Variants in GABBR2 observed in about 807,000 individuals in gnomAD.
GABBR2 encodes the protein gamma-aminobutyric acid type B receptor subunit 2, also known as G-protein coupled receptor 51.
Under a neutral mutation model 105.6 loss-of-function variants are expected in GABBR2, and 23 were observed. The observed-to-expected ratio is 0.22, with a 90% CI of 0.16 to 0.31. The LOEUF (loss-of-function observed/expected upper bound fraction) is 0.31, where lower values mean the gene tolerates loss of function less well. GABBR2 is among the 10% of genes least tolerant of loss of function. The probability of loss-of-function intolerance (pLI) is 1.00; values close to 1 mark genes in which losing one functional copy is unlikely to be tolerated. For synonymous variants in GABBR2, 478 were observed against 499.7 expected (o/e 0.96, Z 0.58); for missense variants, 734 against 1,245.5 (o/e 0.59, Z 6.18).
At chr9:98,609,199 T>G (rs1457085498) in intron 1 of GABBR2, among the ~76,000 whole-genome samples, 2 of 152,128 alleles carry the variant, frequency 1.3e-5, no homozygotes, top group Admixed American at 6.5e-5. Context: ...ATAGAATCAT[T>G]TCTTATAAAA....
chr9:98,443,550 T>C (rs1013535757), intron 7 of GABBR2, among the ~76,000 whole-genome samples: 5 of 152,218 alleles, frequency 3.3e-5, no homozygotes, highest in Admixed American at 2.6e-4. Context: ...TTGGAGACAC[T>C]TGCATTTAGA....
At chr9:98,383,413 T>A (rs1035599057) in intron 11 of GABBR2, among the ~76,000 whole-genome samples, 9 of 152,216 alleles carry the variant, frequency 5.9e-5, no homozygotes, top group Non-Finnish European at 1.3e-4. Flanking sequence ...ATTAGTCTCA[T>A]GCCAGAAGGC....
intron 1 of GABBR2, among the ~76,000 whole-genome samples, chr9:98,679,475 C>G (rs1201280785): frequency 6.6e-6 from 1 of 152,210 alleles, no homozygotes; most frequent in East Asian, 1.9e-4. Flanking sequence ...GATTAAAACA[C>G]TGAGTAATTA....
chr9:98,514,736 A>C (rs1344571123), intron 3 of GABBR2, among the ~76,000 whole-genome samples: 1 of 151,952 alleles, frequency 6.6e-6, no homozygotes. Flanking sequence ...CCAACATGGC[A>C]CATGTATATA....
At chr9:98,609,697 G>C (rs1267822416) in intron 1 of GABBR2, among the ~76,000 whole-genome samples, 1 of 152,164 alleles carries the variant, frequency 6.6e-6, no homozygotes, top group Non-Finnish European at 1.5e-5. Context: ...CCCTCAGAAG[G>C]GTGGGGCTGC....
intron 6 of GABBR2, among the ~76,000 whole-genome samples, chr9:98,467,482 G>T (rs1458165812): frequency 1.3e-5 from 2 of 152,192 alleles, no homozygotes; most frequent in Admixed American, 6.5e-5. Context: ...AGGGGAGAGA[G>T]CAGCGCTGTG....
chr9:98,299,367 G>T lies in GABBR2; in HGVS notation c.2413-14C>A. 1 of 1,613,804 alleles carries T rather than the reference G, an allele frequency of 6.2e-7. No homozygotes were observed. Among genetic ancestry groups the T allele is most frequent in the Non-Finnish European group, 8.5e-7 (1 of 1,179,976 alleles). On this transcript the variant is annotated splice_polypyrimidine_tract_variant and intron_variant, in intron 16 of 18. Coordinates refer to ENST00000259455, the MANE Select transcript of GABBR2 (RefSeq NM_005458.8). ...GTCTTTATCCAGCTACAAGACAAAG[G>T]TTCCAGTTGAGTCAGGTCCCTGGCC...
intron 1 of GABBR2, among the ~76,000 whole-genome samples, chr9:98,648,032 T>A (rs957404930): frequency 6.6e-6 from 1 of 150,490 alleles, no homozygotes; most frequent in South Asian, 2.1e-4. Flanking sequence ...CCCTGAGAAG[T>A]GGACTCTTCA....
At chr9:98,374,602 G>A (rs565818946) in intron 11 of GABBR2, among the ~76,000 whole-genome samples, 6 of 152,284 alleles carry the variant, frequency 3.9e-5, no homozygotes, top group African/African-American at 1.4e-4. Flanking sequence ...TAGGCAGACG[G>A]TGTCGACATA....
At chr9:98,613,851 T>C (rs1218768870) in intron 1 of GABBR2, among the ~76,000 whole-genome samples, 1 of 152,130 alleles carries the variant, frequency 6.6e-6, no homozygotes, top group Non-Finnish European at 1.5e-5. Context: ...GAAGAAGGAA[T>C]AGGGCACAAA....
chr9:98,651,406 G>A (rs953113270), intron 1 of GABBR2, among the ~76,000 whole-genome samples: 5 of 152,034 alleles, frequency 3.3e-5, no homozygotes, highest in African/African-American at 7.2e-5. Context: ...GATTACAGGC[G>A]TGAGCCACTG....
chr9:98,508,012 G>A (rs1827547798), intron 3 of GABBR2, among the ~76,000 whole-genome samples: 5 of 152,234 alleles, frequency 3.3e-5, no homozygotes, highest in Admixed American at 3.3e-4. Flanking sequence ...GTTGGGGAAT[G>A]AAATTAGCCA....
chr9:98,336,432 G>T (rs1370169290), intron 13 of GABBR2, among the ~76,000 whole-genome samples: 1 of 152,252 alleles, frequency 6.6e-6, no homozygotes, highest in Admixed American at 6.5e-5. Context: ...CTGGCTGGGC[G>T]CAGTGGCTCA....
intron 1 of GABBR2, among the ~76,000 whole-genome samples, chr9:98,589,104 C>G (rs1390560728): frequency 6.6e-6 from 1 of 152,196 alleles, no homozygotes; most frequent in Non-Finnish European, 1.5e-5. Context: ...GGAACAAGGG[C>G]TCCTCACTTC....
chr9:98,459,077 C>T (rs962445413), intron 6 of GABBR2, among the ~76,000 whole-genome samples: 2 of 152,158 alleles, frequency 1.3e-5, no homozygotes, highest in Non-Finnish European at 2.9e-5. Flanking sequence ...CGTGTTCCTG[C>T]GGAGCCACAA....
At chr9:98,512,333 T>G (rs1827662342) in intron 3 of GABBR2, among the ~76,000 whole-genome samples, 1 of 150,144 alleles carries the variant, frequency 6.7e-6, no homozygotes, top group African/African-American at 2.5e-5. Context: ...AAGCATTCCC[T>G]TTGAAAACGG....
At chr9:98,324,443 C>T (rs1830882170) in intron 13 of GABBR2, among the ~76,000 whole-genome samples, 1 of 151,092 alleles carries the variant, frequency 6.6e-6, no homozygotes. Context: ...GCTTTGAGGG[C>T]TGTTCTTAGT....
At chr9:98,481,115 G>A in intron 4 of GABBR2, 118 bp from the exon 5 acceptor site, 2 of 742,110 alleles carry the variant, frequency 2.7e-6, no homozygotes, top group East Asian at 2.6e-5. Flanking sequence ...GCTCTGCCTG[G>A]GAAGGTGGGC....
chr9:98,446,618 C>A (rs142044794), intron 7 of GABBR2, among the ~76,000 whole-genome samples: 1 of 152,248 alleles, frequency 6.6e-6, no homozygotes, highest in African/African-American at 2.4e-5. Flanking sequence ...ATGTGTGATG[C>A]AATTTCACTG....
Sources: allele counts gnomAD v4.1 joint callset (sites outside exome capture counted in the v4.1 genomes callset), GRCh38; gene constraint gnomAD v4.1.1; transcripts MANE v1.5; gene names NCBI Gene and HGNC (gene_info 2026-07-23, HGNC 2026-07-21).